The following GALNT13 variants were observed in gnomAD, a reference collection of about 807,000 sequenced individuals.
GALNT13 encodes the protein polypeptide N-acetylgalactosaminyltransferase 13.
GALNT13 carries 28 observed loss-of-function variants against 64.2 expected under a neutral mutation model. The ratio of observed to expected loss-of-function variants is 0.44; its 90% CI spans 0.32 to 0.60. The LOEUF (loss-of-function observed/expected upper bound fraction) is 0.60. GALNT13 is among the 20% of genes least tolerant of loss of function. The pLI is 0.05. For missense variants in GALNT13, 577 were observed against 669.8 expected, an observed-to-expected ratio of 0.86 and a Z score of 1.53; for synonymous variants, 214 against 224.6, an observed-to-expected ratio of 0.95 and a Z score of 0.42.
the GALNT13 span, among the ~76,000 whole-genome samples, chr2:153,103,565 C>T: frequency 6.6e-6 from 1 of 152,210 alleles, no homozygotes; most frequent in African/African-American, 2.4e-5. Flanking sequence ...GTAGATTTGG[C>T]CTTTCAGGCC....
chr2:153,412,323 A>G, the GALNT13 span, among the ~76,000 whole-genome samples: 1 of 152,178 alleles, frequency 6.6e-6, no homozygotes, highest in East Asian at 1.9e-4. Context: ...TGTGTGATTC[A>G]AATATGTCAG....
chr2:153,071,347 A>G, the GALNT13 span, among the ~76,000 whole-genome samples: 1 of 152,188 alleles, frequency 6.6e-6, no homozygotes, highest in Non-Finnish European at 1.5e-5. Flanking sequence ...CATCTCTTAC[A>G]TGATATTTAG....
chr2:153,337,372 C>T, the GALNT13 span, among the ~76,000 whole-genome samples: 1 of 152,118 alleles, frequency 6.6e-6, no homozygotes, highest in Admixed American at 6.5e-5. Flanking sequence ...AAGTAAATTT[C>T]CTTTCCTTTC....
At chr2:153,533,409 G>T in the GALNT13 span, among the ~76,000 whole-genome samples, 1 of 151,774 alleles carries the variant, frequency 6.6e-6, no homozygotes, top group Admixed American at 6.6e-5. Flanking sequence ...CTGCCACCAC[G>T]TCCAGCTAAT....
the GALNT13 span, among the ~76,000 whole-genome samples, chr2:153,487,936 A>G: frequency 1.3e-5 from 2 of 152,360 alleles, no homozygotes; most frequent in Non-Finnish European, 2.9e-5. Context: ...GCAGACTAAA[A>G]AAAGTCAGAT....
intron 9 of GALNT13, among the ~76,000 whole-genome samples, chr2:154,385,610 T>C (rs1698475683): frequency 6.6e-6 from 1 of 151,978 alleles, no homozygotes; most frequent in East Asian, 1.9e-4. Context: ...TAATAATAGA[T>C]AAAAATGCTA....
chr2:153,946,295 G>T (rs1173716601), intron 3 of GALNT13, among the ~76,000 whole-genome samples: 2 of 152,098 alleles, frequency 1.3e-5, no homozygotes, highest in Non-Finnish European at 1.5e-5. Context: ...GTACAGTTTT[G>T]CTGATTTATG....
the GALNT13 span, among the ~76,000 whole-genome samples, chr2:153,185,241 AT>A: frequency 6.6e-6 from 1 of 152,092 alleles, no homozygotes; most frequent in South Asian, 2.1e-4. Context: ...TTTCTAGCTC[AT>A]TTGCATAGGA....
At chr2:153,120,876 C>T in the GALNT13 span, among the ~76,000 whole-genome samples, 11 of 152,062 alleles carry the variant, frequency 7.2e-5, no homozygotes, top group East Asian at 1.9e-4. Flanking sequence ...TGAAGCCAAA[C>T]GTGATGTATC....
the GALNT13 span, among the ~76,000 whole-genome samples, chr2:153,074,615 G>A: frequency 6.6e-6 from 1 of 152,164 alleles, no homozygotes; most frequent in Non-Finnish European, 1.5e-5. Context: ...TTAGGTGATA[G>A]GAATTTTTCA....
chr2:154,271,079 A>G (rs1251342090), intron 8 of GALNT13, among the ~76,000 whole-genome samples: 2 of 151,970 alleles, frequency 1.3e-5, no homozygotes, highest in South Asian at 2.1e-4. Context: ...GTGGCTGGTC[A>G]TGAAAACTAT....
At chr2:153,276,251 T>C in the GALNT13 span, among the ~76,000 whole-genome samples, 1 of 152,122 alleles carries the variant, frequency 6.6e-6, no homozygotes, top group African/African-American at 2.4e-5. Flanking sequence ...CTTTGTTTTG[T>C]ATTATTTAGA....
At chr2:153,535,857 A>G in the GALNT13 span, among the ~76,000 whole-genome samples, 1 of 152,154 alleles carries the variant, frequency 6.6e-6, no homozygotes, top group African/African-American at 2.4e-5. Context: ...CTGTTATCAG[A>G]CTGTATTGAG....
At chr2:153,913,621 A>C (rs1293756857) in intron 2 of GALNT13, among the ~76,000 whole-genome samples, 1 of 152,170 alleles carries the variant, frequency 6.6e-6, no homozygotes, top group East Asian at 1.9e-4. Context: ...CCATGGTGGT[A>C]GAGGGGTTTC....
chr2:154,407,886 G>A (rs1423889092), intron 10 of GALNT13, among the ~76,000 whole-genome samples: 1 of 152,016 alleles, frequency 6.6e-6, no homozygotes, highest in African/African-American at 2.4e-5. Context: ...ATGAGGTTCT[G>A]CACCACAGAA....
At chr2:154,440,177 C>A (rs763295550) in intron 12 of GALNT13, among the ~76,000 whole-genome samples, 5 of 152,004 alleles carry the variant, frequency 3.3e-5, no homozygotes, top group Non-Finnish European at 5.9e-5. Flanking sequence ...GAACCTGGGG[C>A]TCTACTGAGC....
intron 9 of GALNT13, among the ~76,000 whole-genome samples, chr2:154,362,489 A>C (rs799818): frequency 0.99 from 150,710 of 152,012 alleles, 74,727 homozygotes; most frequent in Middle Eastern, 1. Context: ...GCCAGTTTAA[A>C]CTATTGGTGG....
chr2:153,582,634 A>G, the GALNT13 span, among the ~76,000 whole-genome samples: 1 of 152,036 alleles, frequency 6.6e-6, no homozygotes, highest in Non-Finnish European at 1.5e-5. Context: ...ATATCTATAA[A>G]ATTATGGTTG....
At chr2:154,368,997 AGTTGTTGTT>A (rs60292131) in intron 9 of GALNT13, among the ~76,000 whole-genome samples, 2 of 150,668 alleles carry the variant, frequency 1.3e-5, no homozygotes, top group South Asian at 4.2e-4. Context: ...GAAGACACCG[AGTTGTTGTT>A]GTTGTTGTTG....
Sources: gnomAD v4.1 joint callset for allele counts (sites outside exome capture counted in the v4.1 genomes callset) on GRCh38, gnomAD v4.1.1 for gene constraint, MANE v1.5 for transcripts, NCBI Gene and HGNC (gene_info 2026-07-23, HGNC 2026-07-21) for gene names.